The following THSD4 variants were observed in gnomAD, a reference collection of about 807,000 sequenced individuals.
THSD4 encodes the protein thrombospondin type 1 domain containing 4.
Under a neutral mutation model 119.0 loss-of-function variants are expected in THSD4, and 69 were observed. The ratio of observed to expected loss-of-function variants is 0.58; its 90% CI spans 0.48 to 0.71. THSD4 has a LOEUF of 0.71. Among genes scored for constraint, THSD4 ranks in the 30% least tolerant of loss-of-function variants. The probability of loss-of-function intolerance (pLI) is 0.00; values close to 1 mark genes in which losing one functional copy is unlikely to be tolerated. For synonymous variants in THSD4, 524 were observed against 540.4 expected (o/e 0.97, Z 0.42); for missense variants, 1,393 against 1,391.1 (o/e 1.00, Z -0.02).
At chr15:71,737,293 G>A (rs60943454) in intron 10 of THSD4, among the ~76,000 whole-genome samples, 1 of 152,182 alleles carries the variant, frequency 6.6e-6, no homozygotes, top group African/African-American at 2.4e-5. Flanking sequence ...GGATCTATTT[G>A]CAGGCTCATC....
At chr15:71,597,354 T>C (rs2049923848) in intron 7 of THSD4, among the ~76,000 whole-genome samples, 1 of 152,180 alleles carries the variant, frequency 6.6e-6, no homozygotes, top group African/African-American at 2.4e-5. Context: ...AGAAAGTTGC[T>C]AAATAGGTAC....
intron 7 of THSD4, among the ~76,000 whole-genome samples, chr15:71,449,212 T>G (rs541764726): frequency 6.6e-6 from 1 of 152,360 alleles, no homozygotes; most frequent in South Asian, 2.1e-4. Context: ...AAGGCTTATA[T>G]GTTGATTTGA....
At chr15:71,512,570 G>A (rs1030717299) in intron 7 of THSD4, among the ~76,000 whole-genome samples, 5 of 152,072 alleles carry the variant, frequency 3.3e-5, no homozygotes, top group Non-Finnish European at 7.3e-5. Context: ...CAAAAACCAC[G>A]GGTTTTTAAG....
intron 8 of THSD4, among the ~76,000 whole-genome samples, chr15:71,669,628 T>A (rs1055019144): frequency 1.3e-5 from 2 of 152,216 alleles, no homozygotes; most frequent in Non-Finnish European, 2.9e-5. Context: ...TCTGAATGTC[T>A]GATGATCAAT....
intron 6 of THSD4, among the ~76,000 whole-genome samples, chr15:71,321,273 A>G (rs113561260): frequency 2.8e-5 from 4 of 142,634 alleles, no homozygotes; most frequent in Non-Finnish European, 6.3e-5. Flanking sequence ...CGGTGGCTCA[A>G]GCCTGTAATC....
chr15:71,724,626 G>A (rs2052800464), intron 8 of THSD4, among the ~76,000 whole-genome samples: 1 of 152,052 alleles, frequency 6.6e-6, no homozygotes, highest in Non-Finnish European at 1.5e-5. Flanking sequence ...AGAATTTTGA[G>A]CCATCGTTGG....
intron 7 of THSD4, chr15:71,547,597 C>A: frequency 8.6e-7 from 1 of 1,168,062 alleles, no homozygotes; most frequent in Non-Finnish European, 1.2e-6. Context: ...AAGAGTAATG[C>A]TTTATATTAC....
intron 7 of THSD4, among the ~76,000 whole-genome samples, chr15:71,529,689 A>G (rs528594697): frequency 5.4e-4 from 82 of 152,188 alleles, no homozygotes; most frequent in Non-Finnish European, 9.8e-4. Flanking sequence ...AAATTAGACA[A>G]TCATCAAAGA....
Position 71,765,531 on chromosome 15 carries a change from T to C in THSD4, c.2769+332T>C, listed in dbSNP as rs1056738782. 4.9e-4 allele frequency among the ~76,000 whole-genome samples: 74 copies of C among 152,210 alleles called. 3 individuals carry two copies. The highest frequency in any genetic ancestry group is 1.5e-5 in the Non-Finnish European group (1 of 68,024). ...ATTTTTAGCAAGTTCCTGAGGTGTG[T>C]TGGATGGAGTTGTCTTTGTACTGCA... is the stretch of plus-strand genomic sequence containing the variant. On this transcript the variant is annotated intron_variant, in intron 16 of 17. Coordinates refer to ENST00000261862, the MANE Select transcript of THSD4 (RefSeq NM_024817.3).
chr15:71,263,594 A>G (rs1403635576), intron 6 of THSD4, among the ~76,000 whole-genome samples: 2 of 152,140 alleles, frequency 1.3e-5, no homozygotes, highest in Non-Finnish European at 2.9e-5. Flanking sequence ...GGGTGAACTA[A>G]TTTACACTCC....
chr15:71,461,807 T>C (rs2047431851), intron 7 of THSD4, among the ~76,000 whole-genome samples: 1 of 151,760 alleles, frequency 6.6e-6, no homozygotes, highest in South Asian at 2.1e-4. Context: ...TTTTTTTTTT[T>C]CTTCTCTAGT....
intron 6 of THSD4, among the ~76,000 whole-genome samples, chr15:71,345,205 G>C (rs1340996668): frequency 6.7e-6 from 1 of 149,634 alleles, no homozygotes; most frequent in Non-Finnish European, 1.5e-5. Context: ...CGGGGGGTTG[G>C]GGGGGTGGGT....
At chr15:71,503,790 G>A (rs549280688) in intron 7 of THSD4, among the ~76,000 whole-genome samples, 1 of 152,262 alleles carries the variant, frequency 6.6e-6, no homozygotes, top group Admixed American at 6.5e-5. Context: ...ATTGGCTCTA[G>A]GGCCAATATG....
At chr15:71,139,061 T>C (rs2040578011) in intron 1 of THSD4, among the ~76,000 whole-genome samples, 1 of 151,362 alleles carries the variant, frequency 6.6e-6, no homozygotes, top group African/African-American at 2.4e-5. Flanking sequence ...CACCCATTTC[T>C]TTCCAATTAC....
At chr15:71,243,975 C>T (rs552005014) in intron 5 of THSD4, among the ~76,000 whole-genome samples, 6 of 151,588 alleles carry the variant, frequency 4.0e-5, no homozygotes, top group South Asian at 2.1e-4. Context: ...TTAGTAGAGA[C>T]GGGGTTTCAC....
intron 7 of THSD4, among the ~76,000 whole-genome samples, chr15:71,490,222 C>T (rs932336812): frequency 2.6e-5 from 4 of 151,660 alleles, no homozygotes; most frequent in African/African-American, 7.3e-5. Context: ...GTCAGGAGTT[C>T]GAGACCAGTC....
At chr15:71,294,481 G>C (rs2044835629) in intron 6 of THSD4, among the ~76,000 whole-genome samples, 1 of 152,118 alleles carries the variant, frequency 6.6e-6, no homozygotes, top group Admixed American at 6.5e-5. Context: ...CACTTAGATG[G>C]GGTCCGTTCA....
intron 1 of THSD4, among the ~76,000 whole-genome samples, chr15:71,099,049 A>T (rs924429639): frequency 6.6e-6 from 1 of 152,190 alleles, no homozygotes; most frequent in African/African-American, 2.4e-5. Context: ...GTTTGCACTC[A>T]CCAAGGTCTC....
intron 6 of THSD4, among the ~76,000 whole-genome samples, chr15:71,323,097 A>T (rs1319507499): frequency 5.9e-5 from 5 of 85,238 alleles, no homozygotes; most frequent in African/African-American, 2.1e-4. Flanking sequence ...ACCCTGTCTT[A>T]AAAAAAAAAA....
Sources: gnomAD v4.1 joint callset for allele counts (sites outside exome capture counted in the v4.1 genomes callset) on GRCh38, gnomAD v4.1.1 for gene constraint, MANE v1.5 for transcripts, NCBI Gene and HGNC (gene_info 2026-07-23, HGNC 2026-07-21) for gene names.